The following KCNH7 variants were observed in gnomAD, a reference collection of about 807,000 sequenced individuals.
The protein encoded by KCNH7 is potassium voltage-gated channel subfamily H member 7.
KCNH7 carries 49 observed loss-of-function variants against 120.8 expected under a neutral mutation model. The observed-to-expected ratio is 0.41, with a 90% CI of 0.32 to 0.51. The LOEUF (loss-of-function observed/expected upper bound fraction) is 0.51, where lower values mean the gene tolerates loss of function less well. Ranked by LOEUF, KCNH7 falls within the 20% of genes least tolerant of loss-of-function variation. KCNH7 has a pLI of 0.38. For missense variants in KCNH7, 1,097 were observed against 1,446.6 expected, an observed-to-expected ratio of 0.76 and a Z score of 3.92; for synonymous variants, 547 against 516.1, an observed-to-expected ratio of 1.06 and a Z score of -0.81.
intron 2 of KCNH7, among the ~76,000 whole-genome samples, chr2:162,732,432 G>C (rs1687763534): frequency 6.6e-6 from 1 of 152,116 alleles, no homozygotes; most frequent in South Asian, 2.1e-4. Flanking sequence ...TACTACCTTA[G>C]AGTTAGTATA....
intron 6 of KCNH7, among the ~76,000 whole-genome samples, chr2:162,460,991 G>T (rs931022519): frequency 3.3e-5 from 5 of 152,118 alleles, no homozygotes; most frequent in African/African-American, 9.7e-5. Context: ...GGTATGTGTG[G>T]ATGTTTTCAA....
At chr2:162,630,585 G>A (rs183312067) in intron 2 of KCNH7, among the ~76,000 whole-genome samples, 333 of 152,196 alleles carry the variant, frequency 2.2e-3, no homozygotes, top group Non-Finnish European at 3.6e-3. Flanking sequence ...TAAAAAGATA[G>A]TTGTTTCAGG....
At chr2:162,705,220 G>A (rs1362666320) in intron 2 of KCNH7, among the ~76,000 whole-genome samples, 1 of 151,992 alleles carries the variant, frequency 6.6e-6, no homozygotes, top group African/African-American at 2.4e-5. Flanking sequence ...ATTCTGTCAT[G>A]GGGTTTTATT....
At chr2:162,475,855 C>T (rs79560210) in intron 6 of KCNH7, among the ~76,000 whole-genome samples, 1 of 152,196 alleles carries the variant, frequency 6.6e-6, no homozygotes, top group Non-Finnish European at 1.5e-5. Flanking sequence ...TAAACAATTA[C>T]CCAGCTCTAA....
At chr2:162,819,048 T>C (rs1230394965) in intron 2 of KCNH7, among the ~76,000 whole-genome samples, 1 of 152,128 alleles carries the variant, frequency 6.6e-6, no homozygotes, top group Non-Finnish European at 1.5e-5. Context: ...AATATCAATG[T>C]CATGAAAGAC....
At chr2:162,570,114 A>T (rs1693411615) in intron 2 of KCNH7, among the ~76,000 whole-genome samples, 3 of 148,704 alleles carry the variant, frequency 2.0e-5, no homozygotes, top group African/African-American at 7.5e-5. Context: ...TGATCTGTCT[A>T]ATGTTGATAG....
rs141727716 is a variant in KCNH7, at chr2:162,647,061, C to T, written c.308-109981G>A. Among the ~76,000 whole-genome samples, 46 of 152,252 alleles carry T rather than the reference C, an allele frequency of 3.0e-4. No homozygotes were observed. The East Asian group carries it at 7.3e-3, about 24-fold the overall frequency. ...AGTCGGTCAGTAGTACCAATAAATA[C>T]AGAGGGGCTTCAATGTGGACTTCCC... is the stretch of plus-strand genomic sequence containing the variant. On this transcript the variant is annotated intron_variant, in intron 2 of 15. Coordinates refer to ENST00000332142, the MANE Select transcript of KCNH7 (RefSeq NM_033272.4).
chr2:162,410,994 G>C (rs1176371625), intron 9 of KCNH7, among the ~76,000 whole-genome samples: 1 of 152,080 alleles, frequency 6.6e-6, no homozygotes, highest in Non-Finnish European at 1.5e-5. Flanking sequence ...CTTGTACACT[G>C]CGGGTGGAAA....
At chr2:162,752,791 T>A (rs921236136) in intron 2 of KCNH7, among the ~76,000 whole-genome samples, 1 of 150,246 alleles carries the variant, frequency 6.7e-6, no homozygotes, top group South Asian at 2.1e-4. Context: ...TCCCAGCTAT[T>A]CAGGAGGCTG....
intron 9 of KCNH7, among the ~76,000 whole-genome samples, chr2:162,408,134 TGTCC>T (rs1304278790): frequency 6.6e-6 from 1 of 152,094 alleles, no homozygotes; most frequent in East Asian, 1.9e-4. Context: ...TCGCCATTGC[TGTCC>T]ATCAAATTGG....
intron 2 of KCNH7, among the ~76,000 whole-genome samples, chr2:162,598,076 T>C (rs1388336138): frequency 6.6e-6 from 1 of 152,066 alleles, no homozygotes; most frequent in Admixed American, 6.6e-5. Context: ...TATTTCCGTT[T>C]TTTCCCCACC....
intron 6 of KCNH7, among the ~76,000 whole-genome samples, chr2:162,456,696 G>C (rs1688974621): frequency 6.6e-6 from 1 of 152,020 alleles, no homozygotes; most frequent in Admixed American, 6.6e-5. Flanking sequence ...CCTTTACTGG[G>C]TGCATATATA....
At chr2:162,643,362 A>G (rs113937732) in intron 2 of KCNH7, among the ~76,000 whole-genome samples, 226 of 152,232 alleles carry the variant, frequency 1.5e-3, no homozygotes, top group Middle Eastern at 6.8e-3. Context: ...AAACCCAAAA[A>G]ACAGAAAACA....
intron 2 of KCNH7, among the ~76,000 whole-genome samples, chr2:162,766,150 T>C (rs550183589): frequency 6.6e-6 from 1 of 152,312 alleles, no homozygotes; most frequent in East Asian, 1.9e-4. Flanking sequence ...CTTTCCTGTA[T>C]ACTTCATTTT....
At chr2:162,429,381 G>GCC (rs1687982150) in intron 8 of KCNH7, among the ~76,000 whole-genome samples, 2 of 43,424 alleles carry the variant, frequency 4.6e-5, no homozygotes, top group African/African-American at 2.9e-4. Context: ...TGAGGAAAAA[G>GCC]TCTTTTTTTT....
At chr2:162,818,261 T>C (rs1684985169) in intron 2 of KCNH7, among the ~76,000 whole-genome samples, 1 of 152,046 alleles carries the variant, frequency 6.6e-6, no homozygotes, top group South Asian at 2.1e-4. Context: ...AAGTATGTAA[T>C]CTAAATCAAA....
At chr2:162,816,991 AT>A (rs1312612506) in intron 2 of KCNH7, among the ~76,000 whole-genome samples, 1 of 152,138 alleles carries the variant, frequency 6.6e-6, no homozygotes, top group Admixed American at 6.5e-5. Flanking sequence ...CTTTATACGC[AT>A]TTATTTGTCT....
intron 2 of KCNH7, among the ~76,000 whole-genome samples, chr2:162,559,937 G>A (rs901303): frequency 0.31 from 46,710 of 152,036 alleles, 13,360 homozygotes; most frequent in African/African-American, 0.73. Context: ...GTAACAAAAC[G>A]GGGTAGAACA....
Position 162,414,881 on chromosome 2 carries a change from T to C in KCNH7, c.2154+8455A>G, listed in dbSNP as rs74496304. On this transcript the variant is annotated intron_variant, in intron 9 of 15. Transcript: ENST00000332142. ...TCTAAGGAATGCAAGTCCCTTTAAA[T>C]TATGAGGCCTATAGAGGTAATGACA... 7.1e-3 allele frequency among the ~76,000 whole-genome samples: 1,077 copies of C among 152,166 alleles called. 10 individuals carry two copies. The highest frequency in any genetic ancestry group is 0.025 in the African/African-American group (1,030 of 41,570).
Sources: allele counts gnomAD v4.1 joint callset (sites outside exome capture counted in the v4.1 genomes callset), GRCh38; gene constraint gnomAD v4.1.1; transcripts MANE v1.5; gene names NCBI Gene and HGNC (gene_info 2026-07-23, HGNC 2026-07-21).